Variants in HEATR5A observed in about 807,000 individuals in gnomAD.
HEATR5A encodes HEAT repeat containing 5A, also known as HEAT repeat-containing protein 5A.
HEATR5A carries 178 observed loss-of-function variants against 218.8 expected under a neutral mutation model. The ratio of observed to expected loss-of-function variants is 0.81; its 90% CI spans 0.72 to 0.92. HEATR5A has a LOEUF of 0.92. Among genes scored for constraint, HEATR5A ranks in the 40% least tolerant of loss-of-function variants. The pLI is 0.00. For synonymous variants in HEATR5A, 864 were observed against 871.6 expected (o/e 0.99, Z 0.15); for missense variants, 2,420 against 2,418.9 (o/e 1.00, Z -0.01).
At chr14:31,370,569 T>C (rs1902002447) in intron 13 of HEATR5A, among the ~76,000 whole-genome samples, 1 of 152,216 alleles carries the variant, frequency 6.6e-6, no homozygotes, top group Non-Finnish European at 1.5e-5. Context: ...AAATACGTTT[T>C]AGCATAGCAA....
At position 31,349,904 on chromosome 14, in the gene HEATR5A, G is replaced by A; in HGVS notation, c.2593C>T (p.Leu865=). The A allele has an allele frequency of 2.5e-6, 4 of 1,611,744 alleles. No homozygotes were observed. Among genetic ancestry groups the A allele is most frequent in the African/African-American group, 1.3e-5 (1 of 74,986 alleles). ...RFALTLVMGA[L]ESPNPLLRCA... Reference sequence around the variant, plus strand: ...CTCAGCAAGGGGTTGGGGCTTTCTAGGGCTCCCATAACTAATGTTAAGGCA... The same window carrying A: ...CTCAGCAAGGGGTTGGGGCTTTCTAAGGCTCCCATAACTAATGTTAAGGCA... The change falls in exon 18 of 36, where the codon CTA becomes TTA. Residue 865 remains leucine, a synonymous_variant. Coordinates refer to ENST00000543095, the MANE Select transcript of HEATR5A (RefSeq NM_015473.4).
In HEATR5A at chr14:31,347,883, A is replaced by T. The variant is rs371574391; in HGVS notation, c.2733T>A (p.Val911=). Reference sequence around the variant, plus strand: ...AGGCCAATGAGTGTCCTGTTCTGGTAACCACATCCCTTGCTGATTTCAATC... The same window carrying T: ...AGGCCAATGAGTGTCCTGTTCTGGTTACCACATCCCTTGCTGATTTCAATC... ...FDKLKSARDV[V]TRTGHSLALG... The change falls in exon 19 of 36, where the codon GTT becomes GTA. Residue 911 remains valine (V), a synonymous_variant. Transcript: ENST00000543095. The T allele has an allele frequency of 5.2e-6, 8 of 1,546,964 alleles. No individual in the cohort carries two copies. Among genetic ancestry groups the T allele is most frequent in the Non-Finnish European group, 6.1e-6 (7 of 1,148,006 alleles).
intron 33 of HEATR5A, among the ~76,000 whole-genome samples, chr14:31,301,063 G>C (rs908914530): frequency 7.9e-5 from 12 of 152,196 alleles, no homozygotes; most frequent in African/African-American, 2.4e-4. Flanking sequence ...CAAAGTGGGT[G>C]GTCAATAAAT....
rs539552265 is a variant in HEATR5A, at chr14:31,371,158, T to C, written c.1961+652A>G. Among the ~76,000 whole-genome samples the C allele has an allele frequency of 1.6e-4, 25 of 152,148 alleles. 1 individual carries two copies. Among genetic ancestry groups the C allele is most frequent in the Non-Finnish European group, 3.2e-4 (22 of 68,022 alleles). The stretch of plus-strand genomic sequence containing the variant: ...CTGCTTTTGAGCTACGATGAGAGAG[T>C]TGAGTAGCTGCAACATAGACTTCAT... On this transcript the variant is annotated intron_variant, in intron 13 of 35. Coordinates refer to ENST00000543095, the MANE Select transcript of HEATR5A (RefSeq NM_015473.4).
chr14:31,361,353 G>C (rs1180312057), intron 14 of HEATR5A, among the ~76,000 whole-genome samples: 1 of 152,170 alleles, frequency 6.6e-6, no homozygotes, highest in African/African-American at 2.4e-5. Context: ...ATTTAGGGAA[G>C]GAGAGATTAC....
chr14:31,342,277 A>C (rs1900864900), intron 21 of HEATR5A, among the ~76,000 whole-genome samples: 1 of 152,104 alleles, frequency 6.6e-6, no homozygotes, highest in South Asian at 2.1e-4. Context: ...AGTCCGAGCT[A>C]CTTCGGAGGC....
chr14:31,389,010 G>A lies in HEATR5A; in HGVS notation c.773-5C>T, dbSNP rs952327747. ...GAATGCTTTGACGTGAGGCTGCTATGACAAAGAACAAAACTGTGATTCATA... is the reference window on the plus strand; with the variant it reads ...GAATGCTTTGACGTGAGGCTGCTATAACAAAGAACAAAACTGTGATTCATA... On this transcript the variant is annotated splice_polypyrimidine_tract_variant and splice_region_variant and intron_variant, in intron 6 of 35. Transcript: ENST00000543095. 2 of 1,599,066 alleles carry A rather than the reference G, an allele frequency of 1.3e-6. No individual in the cohort carries two copies. Among genetic ancestry groups the A allele is most frequent in the East Asian group, 2.2e-5 (1 of 44,638 alleles).
At chr14:31,313,775 A>C (rs568223543) in intron 27 of HEATR5A, among the ~76,000 whole-genome samples, 1 of 152,312 alleles carries the variant, frequency 6.6e-6, no homozygotes, top group African/African-American at 2.4e-5. Context: ...ATCTATATAC[A>C]CAACACAGTA....
rs1429634338 is a variant in HEATR5A, at chr14:31,394,240, CA to C, written c.598-15del. On this transcript the variant is annotated splice_polypyrimidine_tract_variant and intron_variant, in intron 5 of 35. Coordinates refer to ENST00000543095, the MANE Select transcript of HEATR5A (RefSeq NM_015473.4). ...TTCAAGGAGACACTATTCAATTGGA[CA>C]AAGAGAAATTAATGAAAAATAAAAT... is the stretch of plus-strand genomic sequence containing the variant. 2 of 1,419,646 alleles carry C rather than the reference CA, an allele frequency of 1.4e-6. No individual in the cohort carries two copies. The highest frequency in any genetic ancestry group is 2.9e-5 in the African/African-American group (2 of 68,462). The allele number at this position is 1,419,646 out of a possible 1,614,324, so 87.9% of individuals were successfully genotyped here. A position where few individuals can be genotyped will look rare whatever the true frequency, so the allele number is the denominator to read the frequency against.
At position 31,318,392 on chromosome 14, in the gene HEATR5A, T is replaced by C. The variant is rs1168534360; in HGVS notation, c.3970-100A>G. On this transcript the variant is annotated intron_variant, in intron 25 of 35. Transcript: ENST00000543095. ...TTTAAAATTATTTATTTATAACAGG[T>C]ATTATGGACAGCTGTTGTTTTGTCT... The C allele has an allele frequency of 1.3e-5, 12 of 918,764 alleles. No homozygotes were observed. The East Asian group carries it at 3.1e-4, about 24-fold the overall frequency. The allele number at this position is 918,764 out of a possible 1,614,324, so 56.9% of individuals were successfully genotyped here.
At position 31,400,347 on chromosome 14, in the gene HEATR5A, G is replaced by A. The variant is rs1438796674; in HGVS notation, c.292C>T (p.Leu98Phe). The change falls in exon 3 of 36, where the codon CTT (leucine) becomes TTT (phenylalanine). Residue 98 changes from leucine (L) to phenylalanine (F), a missense_variant. Leu to Phe is a conservative substitution (Grantham distance 22). Coordinates refer to ENST00000543095, the MANE Select transcript of HEATR5A (RefSeq NM_015473.4). ...VHEAIDKCND[L>F]IRSKDDSPSY... Reference sequence around the variant, plus strand: ...GGAGAATCATCTTTGCTACGAATAAGATCATTACATTTATCGATTGCTTCA... The same window carrying A: ...GGAGAATCATCTTTGCTACGAATAAAATCATTACATTTATCGATTGCTTCA... 1.3e-6 allele frequency: 2 copies of A among 1,535,586 alleles called. No individual in the cohort carries two copies.
chr14:31,356,420 G>C (rs1017302827), intron 16 of HEATR5A, among the ~76,000 whole-genome samples: 2 of 152,058 alleles, frequency 1.3e-5, no homozygotes, highest in African/African-American at 4.8e-5. Context: ...TATTTTTGTA[G>C]AGAAGGAGTT....
At chr14:31,398,889 CTT>C in intron 3 of HEATR5A, 108 bp from the exon 4 acceptor site, 1 of 638,626 alleles carries the variant, frequency 1.6e-6, no homozygotes, top group African/African-American at 1.8e-5. Flanking sequence ...ATTCTCTTGT[CTT>C]TTTACTTTCT....
At chr14:31,393,043 C>T (rs1220717097) in intron 6 of HEATR5A, among the ~76,000 whole-genome samples, 2 of 152,086 alleles carry the variant, frequency 1.3e-5, no homozygotes, top group Non-Finnish European at 2.9e-5. Context: ...ATACAATAAA[C>T]TACAAGTATC....
intron 20 of HEATR5A, among the ~76,000 whole-genome samples, chr14:31,344,632 G>C (rs1269323165): frequency 6.6e-6 from 1 of 150,926 alleles, no homozygotes; most frequent in Non-Finnish European, 1.5e-5. Context: ...CAAATTATTA[G>C]GCAAAGAAGA....
intron 1 of HEATR5A, among the ~76,000 whole-genome samples, chr14:31,411,588 C>A (rs1029623957): frequency 6.6e-6 from 1 of 152,122 alleles, no homozygotes; most frequent in Non-Finnish European, 1.5e-5. Context: ...TTGGGAAATG[C>A]CTCGTTGTCA....
chr14:31,407,963 T>TA (rs2031140231), intron 1 of HEATR5A, among the ~76,000 whole-genome samples: 1 of 152,180 alleles, frequency 6.6e-6, no homozygotes, highest in African/African-American at 2.4e-5. Context: ...ACAAGAATGT[T>TA]AATTCCATTA....
intron 1 of HEATR5A, among the ~76,000 whole-genome samples, chr14:31,406,002 T>C (rs1156981330): frequency 6.6e-6 from 1 of 152,178 alleles, no homozygotes; most frequent in Admixed American, 6.5e-5. Flanking sequence ...TAATCTCGCA[T>C]CTAAAACTCA....
intron 10 of HEATR5A, 112 bp downstream of exon 10, chr14:31,383,409 C>T: frequency 1.0e-6 from 1 of 972,610 alleles, no homozygotes; most frequent in Non-Finnish European, 1.5e-6. Flanking sequence ...ACTTATATGG[C>T]AGGGCTAGAT....
Sources: allele counts gnomAD v4.1 joint callset (sites outside exome capture counted in the v4.1 genomes callset), GRCh38; gene constraint gnomAD v4.1.1; transcripts MANE v1.5; gene names NCBI Gene and HGNC (gene_info 2026-07-23, HGNC 2026-07-21).